Variants in THSD7B observed in about 807,000 individuals in gnomAD.
THSD7B encodes the protein thrombospondin type-1 domain-containing protein 7B.
Under a neutral mutation model 213.6 loss-of-function variants are expected in THSD7B, and 138 were observed. That is an observed-to-expected ratio of 0.65 (90% confidence interval 0.56 to 0.74). The LOEUF (loss-of-function observed/expected upper bound fraction) is 0.74, where lower values mean the gene tolerates loss of function less well. Ranked by LOEUF, THSD7B falls within the 30% of genes least tolerant of loss-of-function variation. The pLI, the probability that THSD7B is intolerant of heterozygous loss-of-function variation, is 0.00. For synonymous variants in THSD7B, 742 were observed against 687.0 expected, an observed-to-expected ratio of 1.08 and a Z score of -1.25; for missense variants, 1,931 against 1,991.5, an observed-to-expected ratio of 0.97 and a Z score of 0.58.
intron 4 of THSD7B, among the ~76,000 whole-genome samples, chr2:137,104,469 A>G (rs62172291): frequency 0.12 from 17,474 of 142,896 alleles, 1,286 homozygotes; most frequent in Non-Finnish European, 0.18. Context: ...CGAACATCAC[A>G]AGTAAAAAGA....
At chr2:137,241,088 A>AG in intron 9 of THSD7B, among the ~76,000 whole-genome samples, 1 of 152,130 alleles carries the variant, frequency 6.6e-6, no homozygotes, top group African/African-American at 2.4e-5. Flanking sequence ...TACTTATTTC[A>AG]ACATCTCAGC....
chr2:137,445,039 A>T (rs1687507151), intron 14 of THSD7B, among the ~76,000 whole-genome samples: 1 of 152,092 alleles, frequency 6.6e-6, no homozygotes, highest in South Asian at 2.1e-4. Context: ...AGGAAATGCA[A>T]ATCAAAACCA....
At chr2:137,422,238 AG>A (rs1686944060) in intron 14 of THSD7B, among the ~76,000 whole-genome samples, 1 of 152,260 alleles carries the variant, frequency 6.6e-6, no homozygotes, top group South Asian at 2.1e-4. Flanking sequence ...GTTACAATGA[AG>A]AAAGCAAATA....
chr2:137,064,415 T>C (rs1687338070), intron 3 of THSD7B, among the ~76,000 whole-genome samples: 2 of 152,066 alleles, frequency 1.3e-5, no homozygotes, highest in Non-Finnish European at 2.9e-5. Flanking sequence ...TAATCCCTTG[T>C]TAGACTGGTA....
intron 2 of THSD7B, among the ~76,000 whole-genome samples, chr2:136,969,600 TG>T (rs1176975667): frequency 6.6e-6 from 1 of 152,222 alleles, no homozygotes; most frequent in East Asian, 1.9e-4. Flanking sequence ...AGGGTTTTTT[TG>T]CAAAAATATT....
Position 137,411,740 on chromosome 2 carries a change from A to C in THSD7B, c.2827A>C (p.Arg943=), listed in dbSNP as rs779814379. The C allele has an allele frequency of 9.9e-6, 16 of 1,614,006 alleles. No homozygotes were observed. Among genetic ancestry groups the C allele is most frequent in the Non-Finnish European group, 1.4e-5 (16 of 1,179,900 alleles). ...GTCAGATTGCATTCTTCCAGAAGGC[A>C]GAAGGGAGCCTCACCGAGGACTGCG... The part of the protein sequence containing the change: ...NWSDCILPEG[R]REPHRGLRVQ... The change falls in exon 14 of 28, where the codon AGA becomes CGA. Residue 943 remains arginine (R), a synonymous_variant. Transcript: ENST00000409968.
chr2:137,180,108 G>C (rs187371118), intron 7 of THSD7B, among the ~76,000 whole-genome samples: 1 of 152,146 alleles, frequency 6.6e-6, no homozygotes, highest in African/African-American at 2.4e-5. Context: ...GAACAAGGAA[G>C]GGTGTTGTTT....
At chr2:137,164,134 A>G (rs12990679) in intron 6 of THSD7B, among the ~76,000 whole-genome samples, 6,915 of 152,172 alleles carry the variant, frequency 0.045, 200 homozygotes, top group Admixed American at 0.069. Flanking sequence ...TTGTCATTGG[A>G]TGAAGGGGGA....
chr2:137,276,277 G>A (rs544916727), intron 12 of THSD7B, among the ~76,000 whole-genome samples: 1 of 145,054 alleles, frequency 6.9e-6, no homozygotes, highest in East Asian at 2.1e-4. Flanking sequence ...CGGTCATAGT[G>A]TAGCCCAATG....
At chr2:137,152,641 C>T (rs1265146561) in intron 5 of THSD7B, among the ~76,000 whole-genome samples, 2 of 152,164 alleles carry the variant, frequency 1.3e-5, no homozygotes, top group African/African-American at 4.8e-5. Flanking sequence ...TGCCTATTAG[C>T]TATTAATACC....
chr2:137,477,759 G>A (rs1297098363), intron 15 of THSD7B, among the ~76,000 whole-genome samples: 1 of 151,940 alleles, frequency 6.6e-6, no homozygotes, highest in Non-Finnish European at 1.5e-5. Flanking sequence ...AGCATTTCTG[G>A]TACAGCCGAT....
chr2:137,284,611 G>C (rs553402943), intron 12 of THSD7B, among the ~76,000 whole-genome samples: 16 of 152,086 alleles, frequency 1.1e-4, no homozygotes, highest in African/African-American at 3.9e-4. Context: ...CTTTGTTGTC[G>C]TTGGTTTCAA....
At chr2:137,284,425 T>G (rs111575436) in intron 12 of THSD7B, among the ~76,000 whole-genome samples, 24,996 of 152,140 alleles carry the variant, frequency 0.16, 2,520 homozygotes, top group East Asian at 0.48. Context: ...TCTTAGTTAT[T>G]TCTTGCCTTC....
At chr2:137,184,148 A>C (rs1680507507) in intron 7 of THSD7B, among the ~76,000 whole-genome samples, 1 of 152,082 alleles carries the variant, frequency 6.6e-6, no homozygotes, top group South Asian at 2.1e-4. Flanking sequence ...TCTCCTTCCA[A>C]GATGGTGCCT....
At chr2:136,797,857 A>G (rs1164559472) in intron 1 of THSD7B, among the ~76,000 whole-genome samples, 3 of 151,994 alleles carry the variant, frequency 2.0e-5, no homozygotes, top group Non-Finnish European at 4.4e-5. Flanking sequence ...CAAAACTTGT[A>G]TATGAGATTT....
At chr2:136,911,481 T>G (rs1288372982) in intron 2 of THSD7B, among the ~76,000 whole-genome samples, 1 of 152,228 alleles carries the variant, frequency 6.6e-6, no homozygotes, top group East Asian at 1.9e-4. Context: ...AGAAATTGCT[T>G]CAAGGCAATG....
At position 137,242,451 on chromosome 2, in the gene THSD7B, T is replaced by C. The variant is rs959194765; in HGVS notation, c.2151-6T>C. On this transcript the variant is annotated splice_polypyrimidine_tract_variant and splice_region_variant and intron_variant, in intron 9 of 27. Coordinates refer to ENST00000409968, the MANE Select transcript of THSD7B (RefSeq NM_001316349.2). Reference sequence around the variant, plus strand: ...AGGCATTGACATGGTCTTTTCACATTGACAGATGTCCAGATTCTACTCGAC... The same window carrying C: ...AGGCATTGACATGGTCTTTTCACATCGACAGATGTCCAGATTCTACTCGAC... 1 of 1,610,374 alleles carries C rather than the reference T, an allele frequency of 6.2e-7. No individual in the cohort carries two copies. The highest frequency in any genetic ancestry group is 1.7e-5 in the Admixed American group (1 of 59,998).
intron 2 of THSD7B, among the ~76,000 whole-genome samples, chr2:137,010,217 A>T (rs1343377777): frequency 6.6e-6 from 1 of 152,234 alleles, no homozygotes; most frequent in South Asian, 2.1e-4. Flanking sequence ...CCTCACAGTC[A>T]GCAACAGTGG....
intron 12 of THSD7B, among the ~76,000 whole-genome samples, chr2:137,327,608 A>G (rs992202416): frequency 4.6e-5 from 7 of 151,828 alleles, no homozygotes; most frequent in Non-Finnish European, 1.5e-5. Context: ...ACCTTTATCC[A>G]TCATTAAATA....
Sources: gnomAD v4.1 joint callset for allele counts (sites outside exome capture counted in the v4.1 genomes callset) on GRCh38, gnomAD v4.1.1 for gene constraint, MANE v1.5 for transcripts, NCBI Gene and HGNC (gene_info 2026-07-23, HGNC 2026-07-21) for gene names.